SLC35D4: variants seen among roughly 807,000 people sequenced by gnomAD.
The protein encoded by SLC35D4 is solute carrier family 35 member D4, also known as UDP-N-acetylglucosamine transporter SLC35D4.
the SLC35D4 span, among the ~76,000 whole-genome samples, chr18:23,336,889 A>C: frequency 6.6e-6 from 1 of 152,194 alleles, no homozygotes; most frequent in African/African-American, 2.4e-5. Context: ...TAACAGCAGT[A>C]ATAGAATACA....
the SLC35D4 span, chr18:23,376,804 C>A: frequency 4.4e-6 from 2 of 456,450 alleles, no homozygotes; most frequent in African/African-American, 4.0e-5. Flanking sequence ...TGCCTTCCCA[C>A]CCCACCTGGC....
At chr18:23,272,561 G>T in the SLC35D4 span, among the ~76,000 whole-genome samples, 1 of 152,094 alleles carries the variant, frequency 6.6e-6, no homozygotes, top group African/African-American at 2.4e-5. Flanking sequence ...CAGAAAATAG[G>T]GTCAGCAAGC....
At chr18:23,385,755 A>G in the SLC35D4 span, among the ~76,000 whole-genome samples, 3 of 152,134 alleles carry the variant, frequency 2.0e-5, no homozygotes, top group East Asian at 5.8e-4. Flanking sequence ...CACGATCTGC[A>G]TGTTTAGAGG....
the SLC35D4 span, among the ~76,000 whole-genome samples, chr18:23,317,378 A>G: frequency 2.0e-5 from 3 of 152,216 alleles, no homozygotes; most frequent in African/African-American, 4.8e-5. Flanking sequence ...CATGGCATCA[A>G]TGAAATAGGC....
At chr18:23,309,657 ATC>A in the SLC35D4 span, 195 of 1,610,732 alleles carry the variant, frequency 1.2e-4, no homozygotes, top group Non-Finnish European at 1.6e-4. Flanking sequence ...TTGGCACTTT[ATC>A]TCTCTATGCA....
At chr18:23,333,696 T>A in the SLC35D4 span, among the ~76,000 whole-genome samples, 1 of 152,252 alleles carries the variant, frequency 6.6e-6, no homozygotes. Context: ...TAACAAACCC[T>A]CCCTTTCAGG....
the SLC35D4 span, among the ~76,000 whole-genome samples, chr18:23,344,859 C>A: frequency 1.3e-5 from 2 of 152,164 alleles, no homozygotes; most frequent in Non-Finnish European, 2.9e-5. Context: ...CTTGGCCTCT[C>A]AAAGTGCTGG....
At chr18:23,292,588 C>T in the SLC35D4 span, among the ~76,000 whole-genome samples, 3 of 152,234 alleles carry the variant, frequency 2.0e-5, no homozygotes, top group Admixed American at 6.5e-5. Context: ...TCTTGGAGAA[C>T]TGACAACCCC....
chr18:23,410,492 G>A, the SLC35D4 span, among the ~76,000 whole-genome samples: 364 of 146,036 alleles, frequency 2.5e-3, 3 homozygotes, highest in African/African-American at 8.8e-3. Context: ...AAAAAAAAAA[G>A]GTGCATTAAA....
chr18:23,357,197 A>AT, the SLC35D4 span, among the ~76,000 whole-genome samples: 63 of 149,852 alleles, frequency 4.2e-4, no homozygotes, highest in Middle Eastern at 6.9e-3. Context: ...CTGCCCTGAC[A>AT]TTTTTTTTTT....
chr18:23,253,103 C>A, the SLC35D4 span: 1 of 1,160,792 alleles, frequency 8.6e-7, no homozygotes, highest in Non-Finnish European at 1.3e-6. Flanking sequence ...CCTTTCCCTG[C>A]AAACCCCTCT....
the SLC35D4 span, among the ~76,000 whole-genome samples, chr18:23,273,252 A>G: frequency 6.6e-6 from 1 of 152,234 alleles, no homozygotes; most frequent in Non-Finnish European, 1.5e-5. Context: ...TGGAATCAGA[A>G]TGAGCAGAAT....
the SLC35D4 span, among the ~76,000 whole-genome samples, chr18:23,273,431 AG>A: frequency 6.6e-6 from 1 of 151,878 alleles, no homozygotes; most frequent in African/African-American, 2.4e-5. Flanking sequence ...GTCTACATGG[AG>A]GTGAGAGAAG....
At chr18:23,284,123 G>T in the SLC35D4 span, among the ~76,000 whole-genome samples, 1 of 152,172 alleles carries the variant, frequency 6.6e-6, no homozygotes. Context: ...ACAACCAAAG[G>T]TCACTTTCAT....
At chr18:23,411,307 G>A in the SLC35D4 span, among the ~76,000 whole-genome samples, 1 of 142,810 alleles carries the variant, frequency 7.0e-6, no homozygotes, top group African/African-American at 2.6e-5. Context: ...GGGAAGAGGA[G>A]GGAAGGGAAA....
the SLC35D4 span, among the ~76,000 whole-genome samples, chr18:23,392,720 G>A: frequency 7.9e-4 from 120 of 152,268 alleles, no homozygotes; most frequent in Non-Finnish European, 1.5e-3. Flanking sequence ...AATGGTGGGC[G>A]GACTTGCCTG....
the SLC35D4 span, chr18:23,253,622 C>G: frequency 1.1e-6 from 1 of 920,772 alleles, no homozygotes; most frequent in South Asian, 1.6e-5. Context: ...TCCAGATCAC[C>G]CTCTGGGAAA....
chr18:23,291,916 A>T, the SLC35D4 span, among the ~76,000 whole-genome samples: 5 of 152,154 alleles, frequency 3.3e-5, no homozygotes, highest in Non-Finnish European at 5.9e-5. Flanking sequence ...GAAGCCAGGG[A>T]CATTGGGTGG....
the SLC35D4 span, among the ~76,000 whole-genome samples, chr18:23,358,252 G>A: frequency 4.6e-5 from 7 of 152,268 alleles, no homozygotes; most frequent in East Asian, 1.4e-3. Flanking sequence ...CGGCGGAGAG[G>A]GAGACGAATG....
Sources: gnomAD v4.1 joint callset for allele counts (sites outside exome capture counted in the v4.1 genomes callset) on GRCh38, gnomAD v4.1.1 for gene constraint, MANE v1.5 for transcripts, NCBI Gene and HGNC (gene_info 2026-07-23, HGNC 2026-07-21) for gene names.